Variants in DSE observed in about 807,000 individuals in gnomAD.
The protein encoded by DSE is dermatan-sulfate epimerase.
In DSE, 36 loss-of-function variants were observed where a neutral mutation model predicts 84.4. The observed-to-expected ratio is 0.43, with a 90% CI of 0.33 to 0.56. The LOEUF is 0.56. DSE is among the 20% of genes least tolerant of loss of function. The pLI is 0.06. For missense variants in DSE, 862 were observed against 1,169.6 expected, an observed-to-expected ratio of 0.74 and a Z score of 3.84; for synonymous variants, 410 against 430.1, an observed-to-expected ratio of 0.95 and a Z score of 0.58.
In DSE at chr6:116,399,190, T is replaced by G. The variant is rs1781434205; in HGVS notation, c.-53-8T>G. 6.2e-7 allele frequency: 1 copy of G among 1,603,538 alleles called. No individual in the cohort carries two copies. The highest frequency in any genetic ancestry group is 1.1e-5 in the South Asian group (1 of 90,816). On this transcript the variant is annotated splice_region_variant and splice_polypyrimidine_tract_variant and intron_variant, in intron 1 of 5. Transcript: ENST00000644252. ...ACAGACACTTTTTTTCCTTTTTATC[T>G]CACGTAGGATCTTTCGAAGATGGTT... is the stretch of plus-strand genomic sequence containing the variant.
intron 2 of DSE, chr6:116,279,463 T>A (rs1034648999): frequency 6.2e-7 from 1 of 1,612,814 alleles, no homozygotes; most frequent in East Asian, 2.2e-5. Context: ...CTGAACGCCC[T>A]TTTTCAGGCT....
chr6:116,328,465 G>T (rs1385941020), intron 2 of DSE, among the ~76,000 whole-genome samples: 4 of 152,124 alleles, frequency 2.6e-5, no homozygotes, highest in African/African-American at 9.7e-5. Context: ...TTGAGATGGG[G>T]TGCGAAGAGT....
chr6:116,425,143 G>T (rs1783348288), intron 2 of DSE, among the ~76,000 whole-genome samples: 2 of 152,074 alleles, frequency 1.3e-5, no homozygotes, highest in African/African-American at 4.8e-5. Context: ...GCTATTAAAT[G>T]TTGGTATTTC....
chr6:116,258,177 G>A (rs990129327), intron 1 of DSE, among the ~76,000 whole-genome samples: 11 of 151,402 alleles, frequency 7.3e-5, no homozygotes, highest in South Asian at 2.1e-4. Context: ...CACCATGCCC[G>A]GCTAATTTTT....
Position 116,442,717 on chromosome 6 carries a change from T to C in DSE, c.*5372T>C, listed in dbSNP as rs1245222240. On this transcript the variant is annotated 3_prime_UTR_variant, in exon 6 of 6. Transcript: ENST00000644252. ...AGGACATGCTAAGGAATCTGGACTT[T>C]ATTCTGCCATGAGGCTGCTCAACCA... 6.6e-6 allele frequency: 1 copy of C among 152,130 alleles called. No homozygotes were observed. Among genetic ancestry groups the C allele is most frequent in the Non-Finnish European group, 1.5e-5 (1 of 68,032 alleles). The allele number at this position is 152,130 out of a possible 1,614,324, so 9.4% of individuals were successfully genotyped here.
Position 116,438,475 on chromosome 6 carries a change from G to C in DSE, c.*1130G>C, listed in dbSNP as rs984024776. The C allele has an allele frequency of 2.0e-5, 3 of 151,960 alleles. No individual in the cohort carries two copies. The highest frequency in any genetic ancestry group is 4.8e-5 in the African/African-American group (2 of 41,390). 9.4% of individuals were successfully genotyped at this position (151,960 alleles called of 1,614,324 possible). A position where few individuals can be genotyped will look rare whatever the true frequency, so the allele number is the denominator to read the frequency against. On this transcript the variant is annotated 3_prime_UTR_variant, in exon 6 of 6. Coordinates refer to ENST00000644252, the MANE Select transcript of DSE (RefSeq NM_013352.4). ...CATATTTTAAATATTTAAAACAATA[G>C]CCAATTCTGATATTTAAGTAGCACC...
chr6:116,378,584 A>AT (rs1210109379), intron 1 of DSE, among the ~76,000 whole-genome samples: 1 of 152,080 alleles, frequency 6.6e-6, no homozygotes, highest in African/African-American at 2.4e-5. Context: ...CAAACAGGTC[A>AT]TTTTTCCTCC....
At chr6:116,286,368 C>G (rs981161125) in intron 2 of DSE, among the ~76,000 whole-genome samples, 2 of 152,092 alleles carry the variant, frequency 1.3e-5, no homozygotes, top group African/African-American at 4.8e-5. Flanking sequence ...TCTCTCTTCC[C>G]TCTTTCCCCT....
chr6:116,386,153 A>G (rs1352579748), intron 1 of DSE, among the ~76,000 whole-genome samples: 2 of 152,120 alleles, frequency 1.3e-5, no homozygotes, highest in East Asian at 3.9e-4. Flanking sequence ...ATTCTTAGTC[A>G]TTTTTCTGGG....
Position 116,421,507 on chromosome 6 carries a change from C to T in DSE, c.417-5067C>T, listed in dbSNP as rs555287485. Among the ~76,000 whole-genome samples the T allele has an allele frequency of 3.3e-4, 36 of 109,004 alleles. 2 individuals are homozygous for T. The South Asian group carries it at 0.012, about 36-fold the overall frequency. 71.5% of individuals were successfully genotyped at this position (109,004 alleles called of 152,430 possible). On this transcript the variant is annotated intron_variant, in intron 2 of 5. Coordinates refer to ENST00000644252, the MANE Select transcript of DSE (RefSeq NM_013352.4). ...TTTTTTTTTTAGGTACAGGGTCTCA[C>T]TGTGTCACCCAGCCTGGAGTGCAGT...
intron 2 of DSE, among the ~76,000 whole-genome samples, chr6:116,327,991 C>T (rs1174680608): frequency 1.3e-5 from 2 of 152,168 alleles, no homozygotes; most frequent in Non-Finnish European, 2.9e-5. Flanking sequence ...AGCAAGTCAT[C>T]GGAGTTCAGA....
At chr6:116,331,530 GGGATTACAATTC>G (rs1036648509) in intron 2 of DSE, among the ~76,000 whole-genome samples, 2 of 152,154 alleles carry the variant, frequency 1.3e-5, no homozygotes, top group African/African-American at 4.8e-5. Flanking sequence ...CCAATATATG[GGGATTACAATTC>G]GGATTACAAT....
At chr6:116,268,593 C>G (rs1264265506) in intron 2 of DSE, among the ~76,000 whole-genome samples, 1 of 152,076 alleles carries the variant, frequency 6.6e-6, no homozygotes, top group Non-Finnish European at 1.5e-5. Flanking sequence ...GTCTAGCATC[C>G]CTAATGCCCT....
chr6:116,437,464 G>A lies in DSE; in HGVS notation c.*119G>A. On this transcript the variant is annotated 3_prime_UTR_variant, in exon 6 of 6. Transcript: ENST00000644252. ...CTCAGATTCATTTTAACAAATTAAG[G>A]GAAGATATTTTGACACAAGAAAGCA... is the stretch of plus-strand genomic sequence containing the variant. 3.1e-6 allele frequency: 3 copies of A among 966,686 alleles called. No homozygotes were observed. Among genetic ancestry groups the A allele is most frequent in the Non-Finnish European group, 3.0e-6 (2 of 677,470 alleles). The allele number at this position is 966,686 out of a possible 1,614,324, so 59.9% of individuals were successfully genotyped here. A position where few individuals can be genotyped will look rare whatever the true frequency, so the allele number is the denominator to read the frequency against.
intron 2 of DSE, among the ~76,000 whole-genome samples, chr6:116,310,304 C>G (rs1267529469): frequency 6.6e-6 from 1 of 152,060 alleles, no homozygotes; most frequent in African/African-American, 2.4e-5. Context: ...ATGCTCCCTC[C>G]TTAGGTTGTT....
rs865777167 is a variant in DSE at position 116,338,471 on chromosome 6, G to A, written c.-53-60727G>A. 1.4e-4 allele frequency among the ~76,000 whole-genome samples: 22 copies of A among 152,020 alleles called. No individual in the cohort carries two copies. The Middle Eastern group carries it at 0.017, about 118-fold the overall frequency. ...ACTCCTGACATCAGGCGATCCACCC[G>A]CCTCAGCCTCCCAAAGTGCTGGGAT... On this transcript the variant is annotated intron_variant, in intron 2 of 3. Coordinates refer to the DSE transcript ENST00000430252.
intron 2 of DSE, among the ~76,000 whole-genome samples, chr6:116,308,037 A>G (rs1179402245): frequency 2.0e-5 from 3 of 152,200 alleles, no homozygotes; most frequent in Non-Finnish European, 4.4e-5. Flanking sequence ...ATTTATGGTA[A>G]CTGCAGAGTA....
chr6:116,303,239 T>A (rs6568927), intron 2 of DSE, among the ~76,000 whole-genome samples: 150,392 of 152,064 alleles, frequency 0.99, 74,398 homozygotes, highest in East Asian at 1. Context: ...CCTTCTCGTC[T>A]TTCTCTTTTT....
At position 116,439,687 on chromosome 6, in the gene DSE, T is replaced by C. The variant is rs892543455; in HGVS notation, c.*2342T>C. 1.3e-5 allele frequency: 2 copies of C among 152,222 alleles called. No individual in the cohort carries two copies. Among genetic ancestry groups the C allele is most frequent in the East Asian group, 3.8e-4 (2 of 5,206 alleles). 9.4% of individuals were successfully genotyped at this position (152,222 alleles called of 1,614,324 possible). A position where few individuals can be genotyped will look rare whatever the true frequency, so the allele number is the denominator to read the frequency against. ...GTTATGGAATCTGTTTCAATGCTGC[T>C]CACTATGACAGGAATGTTTCAAGTT... is the stretch of plus-strand genomic sequence containing the variant. On this transcript the variant is annotated 3_prime_UTR_variant, in exon 6 of 6. Coordinates refer to ENST00000644252, the MANE Select transcript of DSE (RefSeq NM_013352.4).
Sources: gnomAD v4.1 joint callset for allele counts (sites outside exome capture counted in the v4.1 genomes callset) on GRCh38, gnomAD v4.1.1 for gene constraint, MANE v1.5 for transcripts, NCBI Gene and HGNC (gene_info 2026-07-23, HGNC 2026-07-21) for gene names.